The following SNAP91 variants were observed in gnomAD, a reference collection of about 807,000 sequenced individuals.
SNAP91 encodes clathrin coat assembly protein AP180.
SNAP91 carries 27 observed loss-of-function variants against 100.3 expected under a neutral mutation model. The ratio of observed to expected loss-of-function variants is 0.27; its 90% CI spans 0.20 to 0.37. The LOEUF (loss-of-function observed/expected upper bound fraction) is 0.37. SNAP91 is among the 10% of genes least tolerant of loss of function. SNAP91 has a pLI of 1.00. For missense variants in SNAP91, 986 were observed against 1,123.7 expected, an observed-to-expected ratio of 0.88 and a Z score of 1.75; for synonymous variants, 404 against 398.6, an observed-to-expected ratio of 1.01 and a Z score of -0.16.
At chr6:83,708,440 TC>T (rs1355306157) in intron 1 of SNAP91, 1 of 154,126 alleles carries the variant, frequency 6.5e-6, no homozygotes, top group East Asian at 1.9e-4. Flanking sequence ...GCCTCCCTCC[TC>T]CTCCTCGCGC....
At chr6:83,690,492 C>T in intron 2 of SNAP91, 1 of 1,015,168 alleles carries the variant, frequency 9.9e-7, no homozygotes, top group Non-Finnish European at 1.3e-6. Context: ...CAACTCTCTG[C>T]TAAAGCAACA....
rs560185163 is a variant in SNAP91, at chr6:83,575,012, A to G, written c.2440T>C (p.Leu814=). 1.3e-5 allele frequency: 20 copies of G among 1,586,290 alleles called. No homozygotes were observed. The South Asian group carries it at 2.3e-4, about 18-fold the overall frequency. The change falls in exon 26 of 30, where the codon TTG becomes CTG. Residue 814 remains leucine (L), a splice_region_variant and synonymous_variant. Transcript: ENST00000369694. Reference sequence around the variant, plus strand: ...CCTGGGCTCTGATTGCTACATACCAAAGGTGCACTTGGTGGAACGCCTGCT... The same window carrying G: ...CCTGGGCTCTGATTGCTACATACCAGAGGTGCACTTGGTGGAACGCCTGCT... ...WSAGVPPSAP[L]QGAVPPTSSV...
At chr6:83,601,654 C>T in intron 14 of SNAP91, 55 bp from the exon 15 acceptor site, 2 of 1,556,662 alleles carry the variant, frequency 1.3e-6, no homozygotes. Flanking sequence ...AAAGTTGAAA[C>T]ATGCAACCAT....
intron 13 of SNAP91, 75 bp from the exon 14 acceptor site, chr6:83,605,878 C>A (rs2095578107): frequency 8.8e-7 from 1 of 1,130,660 alleles, no homozygotes; most frequent in Non-Finnish European, 1.3e-6. Flanking sequence ...TAAAGACATG[C>A]AGAAATCATC....
rs532949355 is a variant in SNAP91 at position 83,620,869 on chromosome 6, G to A, written c.807+2432C>T. The stretch of plus-strand genomic sequence containing the variant: ...CGGGACTACAGGCACCCACCACCGC[G>A]CCCGGCTAATTTTTTGTATTTTTTT... On this transcript the variant is annotated intron_variant, in intron 9 of 29. Coordinates refer to ENST00000369694, the MANE Select transcript of SNAP91 (RefSeq NM_001242792.2). Among the ~76,000 whole-genome samples, 10 of 151,910 alleles carry A rather than the reference G, an allele frequency of 6.6e-5. No homozygotes were observed. The South Asian group carries it at 1.7e-3, about 25-fold the overall frequency.
chr6:83,620,290 C>G (rs1313976596), intron 9 of SNAP91, among the ~76,000 whole-genome samples: 1 of 152,188 alleles, frequency 6.6e-6, no homozygotes, highest in Non-Finnish European at 1.5e-5. Context: ...CTTTAACACT[C>G]TCTTCTGACA....
At chr6:83,695,268 C>A (rs2129014139) in intron 2 of SNAP91, among the ~76,000 whole-genome samples, 1 of 90,942 alleles carries the variant, frequency 1.1e-5, no homozygotes. Context: ...CAGAGTGAGG[C>A]TCCATCTCAA....
chr6:83,678,830 A>G, intron 2 of SNAP91: 1 of 1,280,440 alleles, frequency 7.8e-7, no homozygotes, highest in Non-Finnish European at 1.0e-6. Flanking sequence ...ATCATCCAAT[A>G]AAAATCCAAG....
intron 23 of SNAP91, among the ~76,000 whole-genome samples, 200 bp from the exon 24 acceptor site, chr6:83,580,799 T>A (rs947829161): frequency 2.0e-5 from 3 of 151,918 alleles, no homozygotes; most frequent in East Asian, 1.9e-4. Flanking sequence ...AGTATGAAAA[T>A]ACTAATGAAC....
chr6:83,690,411 C>A, intron 2 of SNAP91: 1 of 1,288,598 alleles, frequency 7.8e-7, no homozygotes, highest in Non-Finnish European at 1.0e-6. Flanking sequence ...AATTAGGAAG[C>A]ACTTGTTGAA....
rs1442846496 is a variant in SNAP91 at position 83,594,455 on chromosome 6, C to T, written c.1351G>A (p.Ala451Thr). The T allele has an allele frequency of 1.3e-6, 2 of 1,538,552 alleles. No individual in the cohort carries two copies. Among genetic ancestry groups the T allele is most frequent in the Non-Finnish European group, 1.7e-6 (2 of 1,143,276 alleles). Residue 451 changes from alanine (A) to threonine (T), a missense_variant, in exon 17 of 30, where the codon GCC becomes ACC. By Grantham distance (58) the Ala-to-Thr change is moderately conservative (BLOSUM62 0). Transcript: ENST00000369694. Reference protein sequence around the residue: ...GDAFAASPGEAPAASEGAAAP... With the variant: ...GDAFAASPGETPAASEGAAAP... The stretch of plus-strand genomic sequence containing the variant: ...GCGGCCCCTTCGGATGCTGCAGGGG[C>T]CTCCCCAGGAGAAGCTGCAAAGGCA...
intron 13 of SNAP91, among the ~76,000 whole-genome samples, chr6:83,606,470 G>C (rs185146093): frequency 6.6e-6 from 1 of 152,224 alleles, no homozygotes; most frequent in African/African-American, 2.4e-5. Context: ...TCAAAGTATA[G>C]GCCTCAAACT....
chr6:83,695,152 C>T (rs1292146823), intron 2 of SNAP91, among the ~76,000 whole-genome samples: 1 of 151,262 alleles, frequency 6.6e-6, no homozygotes, highest in Non-Finnish European at 1.5e-5. Context: ...TGGCATGAGC[C>T]TCTAATCCTA....
intron 8 of SNAP91, among the ~76,000 whole-genome samples, chr6:83,640,710 T>G (rs2097661591): frequency 6.6e-6 from 1 of 152,292 alleles, no homozygotes; most frequent in African/African-American, 2.4e-5. Flanking sequence ...ATCATTTACA[T>G]GCTAAGAATA....
intron 26 of SNAP91, among the ~76,000 whole-genome samples, chr6:83,568,459 C>T (rs1005998907): frequency 2.2e-4 from 31 of 142,906 alleles, no homozygotes; most frequent in Non-Finnish European, 3.6e-4. Context: ...GAAACCTGCA[C>T]GTTGTGCACA....
chr6:83,592,593 C>G (rs1296157985), intron 20 of SNAP91, 55 bp from the exon 21 acceptor site: 18 of 1,415,222 alleles, frequency 1.3e-5, no homozygotes, highest in Non-Finnish European at 1.7e-5. Flanking sequence ...AAAAGAAAAC[C>G]ATGAGCCTTG....
Position 83,678,763 on chromosome 6 carries a change from T to C in SNAP91, c.131-13182A>G, listed in dbSNP as rs140897477. On this transcript the variant is annotated intron_variant, in intron 2 of 29. Coordinates refer to ENST00000369694, the MANE Select transcript of SNAP91 (RefSeq NM_001242792.2). ...CCAGCATTATCCCACCTCTTTGGCC[T>C]TACCAAAGCCTTACTGTTATTATTC... 1,445 of 1,289,524 alleles carry C rather than the reference T, an allele frequency of 1.1e-3. 14 individuals are homozygous for C. In the African/African-American group the frequency reaches 0.02, roughly 18 times the overall value. 79.9% of individuals were successfully genotyped at this position (1,289,524 alleles called of 1,614,324 possible). A position where few individuals can be genotyped will look rare whatever the true frequency, so the allele number is the denominator to read the frequency against.
chr6:83,554,314 A>C (rs1774324060), intron 29 of SNAP91, 29 bp from the exon 30 acceptor site: 1 of 307,028 alleles, frequency 3.3e-6, no homozygotes, highest in Non-Finnish European at 6.3e-6. Context: ...CTAGAATTAG[A>C]AAACAAGATT....
intron 8 of SNAP91, among the ~76,000 whole-genome samples, chr6:83,627,541 C>G (rs371569946): frequency 6.6e-6 from 1 of 151,878 alleles, no homozygotes; most frequent in Non-Finnish European, 1.5e-5. Context: ...CTTGAAAGAC[C>G]AATAACGGAG....
Sources: allele counts gnomAD v4.1 joint callset (sites outside exome capture counted in the v4.1 genomes callset), GRCh38; gene constraint gnomAD v4.1.1; transcripts MANE v1.5; gene names NCBI Gene and HGNC (gene_info 2026-07-23, HGNC 2026-07-21).